ZBTB17: variants seen among roughly 807,000 people sequenced by gnomAD.
ZBTB17 encodes zinc finger and BTB domain containing 17, also known as zinc finger and BTB domain-containing protein 17.
A neutral mutation model predicts 85.1 loss-of-function variants in ZBTB17; 24 were observed. The ratio of observed to expected loss-of-function variants is 0.28; its 90% confidence interval spans 0.20 to 0.40. The LOEUF (loss-of-function observed/expected upper bound fraction) is 0.40, where lower values mean the gene tolerates loss of function less well. ZBTB17 is among the 10% of genes least tolerant of loss of function. The pLI, the probability that ZBTB17 is intolerant of heterozygous loss-of-function variation, is 1.00. For synonymous variants in ZBTB17, 464 were observed against 460.2 expected (o/e 1.01, Z -0.11); for missense variants, 743 against 1,105.1 (o/e 0.67, Z 4.65).
chr1:15,946,588 A>C (rs1391214900), intron 4 of ZBTB17, among the ~76,000 whole-genome samples: 1 of 152,248 alleles, frequency 6.6e-6, no homozygotes, highest in Admixed American at 6.5e-5. Flanking sequence ...GGAGGAACGC[A>C]GCCTCTGGAA....
chr1:15,944,427 T>A lies in ZBTB17; in HGVS notation c.1244A>T (p.Glu415Val), dbSNP rs1306474192. The A allele has an allele frequency of 6.4e-7, 1 of 1,569,314 alleles. No homozygotes were observed. The highest frequency in any genetic ancestry group is 1.2e-5 in the South Asian group (1 of 85,778). Reference sequence around the variant, plus strand: ...GCAGTAGTCGCACTGGTAGGGCTTCTCGCCGCTGTGCACCAGCTGGTGGCG... The same window carrying A: ...GCAGTAGTCGCACTGGTAGGGCTTCACGCCGCTGTGCACCAGCTGGTGGCG... The part of the protein sequence containing the change: ...LKRHQLVHSG[E>V]KPYQCDYCGR... Residue 415 changes from glutamate to valine, a missense_variant, in exon 9 of 16, where the codon GAG (glutamate) becomes GTG (valine). Physicochemically the swap from Glu to Val is moderately radical, Grantham distance 121. Transcript: ENST00000375743.
At chr1:15,963,584 T>G (rs560420855) in intron 2 of ZBTB17, among the ~76,000 whole-genome samples, 1 of 152,282 alleles carries the variant, frequency 6.6e-6, no homozygotes, top group South Asian at 2.1e-4. Flanking sequence ...ATATCAAATC[T>G]TGGTGCTGAA....
At chr1:15,950,760 A>G (rs1297387137) in intron 2 of ZBTB17, among the ~76,000 whole-genome samples, 3 of 152,048 alleles carry the variant, frequency 2.0e-5, no homozygotes, top group Non-Finnish European at 4.4e-5. Flanking sequence ...TAGCAGGAAA[A>G]CCATCTGACT....
chr1:15,962,383 T>C (rs906294967), intron 2 of ZBTB17, among the ~76,000 whole-genome samples: 1 of 152,122 alleles, frequency 6.6e-6, no homozygotes, highest in Non-Finnish European at 1.5e-5. Flanking sequence ...GTTGCTTCCC[T>C]TGCAAATAGA....
Position 15,944,956 on chromosome 1 carries a change from G to A in ZBTB17, c.908C>T (p.Ser303Phe). 1 of 1,579,820 alleles carries A rather than the reference G, an allele frequency of 6.3e-7. No individual in the cohort carries two copies. The highest frequency in any genetic ancestry group is 8.6e-7 in the Non-Finnish European group (1 of 1,165,854). ...GDRTESKAYG[S>F]VIHKCEDCGK... ...CCTCACCTCGCACTTGTGGATGACG[G>A]AGCCGTAGGCCTTGGACTCCGTGCG... The change falls in exon 7 of 16, where the codon TCC (serine) becomes TTC (phenylalanine). Residue 303 changes from serine to phenylalanine, a missense_variant. Coordinates refer to ENST00000375743, the MANE Select transcript of ZBTB17 (RefSeq NM_003443.3).
In ZBTB17 at chr1:15,943,413, C is replaced by A. The variant is rs759879516; in HGVS notation, c.1683G>T (p.Glu561Asp). 1.0e-5 allele frequency: 16 copies of A among 1,601,910 alleles called. No homozygotes were observed. In the African/African-American group the frequency reaches 1.7e-4, roughly 17 times the overall value. The change falls in exon 12 of 16, where the codon GAG becomes GAT. Residue 561 changes from glutamate to aspartate, a missense_variant. Around this residue, in one of 4 missense-constraint regions of ZBTB17, gnomAD observed 321 missense variants for 615.7 expected, o/e 0.52. Transcript: ENST00000375743. ...GGGGGCAGGACCTCTTGCCGCAGCG[C>A]TCGCAGACGTAGGGCTTCTCCCCGG... ...QHTGEKPYVC[E>D]RCGKRFVQSS...
chr1:15,947,242 G>T, intron 3 of ZBTB17, 119 bp from the exon 4 acceptor site: 1 of 1,043,562 alleles, frequency 9.6e-7, no homozygotes, highest in Non-Finnish European at 1.4e-6. Flanking sequence ...TGGCAAGCCT[G>T]CATCGCCCCA....
intron 9 of ZBTB17, 111 bp downstream of exon 9, chr1:15,944,189 T>G (rs2071485759): frequency 1.2e-5 from 17 of 1,415,446 alleles, no homozygotes; most frequent in Non-Finnish European, 1.6e-5. Flanking sequence ...AACAAGCTGA[T>G]GAGCTCCTGG....
chr1:15,956,523 C>T (rs1399452701), intron 2 of ZBTB17, among the ~76,000 whole-genome samples: 1 of 152,206 alleles, frequency 6.6e-6, no homozygotes, highest in Non-Finnish European at 1.5e-5. Flanking sequence ...AAGTGAATGT[C>T]CATTCCATTA....
chr1:15,945,814 C>A lies in ZBTB17; in HGVS notation c.562G>T (p.Ala188Ser). Residue 188 changes from alanine (A) to serine (S), a missense_variant, in exon 6 of 16, where the codon GCG (alanine) becomes TCG (serine). Ala to Ser is a moderately conservative substitution (Grantham distance 99). Transcript: ENST00000375743. ...SGAEQTEKAD[A>S]PREPPPVELK... ...TCCACAGGCGGCGGCTCCCGGGGCG[C>A]ATCGGCTTTCTCTGTCTGCTCTGCA... is the stretch of plus-strand genomic sequence containing the variant. 6.2e-7 allele frequency: 1 copy of A among 1,601,416 alleles called. No individual in the cohort carries two copies.
At chr1:15,971,464 TAC>T (rs201195651) in intron 2 of ZBTB17, among the ~76,000 whole-genome samples, 3,995 of 124,744 alleles carry the variant, frequency 0.032, 192 homozygotes, top group Middle Eastern at 0.063. Flanking sequence ...ACACTATATA[TAC>T]ACACACACTA....
Position 15,943,657 on chromosome 1 carries a change from G to A in ZBTB17, c.1518C>T (p.His506=). 1 of 1,613,318 alleles carries A rather than the reference G, an allele frequency of 6.2e-7. No homozygotes were observed. The highest frequency in any genetic ancestry group is 8.5e-7 in the Non-Finnish European group (1 of 1,179,964). The part of the protein sequence containing the change: ...HSGEKPYVCI[H]CQRQFADPGA... ...CGGGGTCTGCAAACTGTCGCTGGCA[G>A]TGGATGCACACGTAGGGCTTCTCCC... The change falls in exon 11 of 16, where the codon CAC becomes CAT. Residue 506 remains histidine, a synonymous_variant. Transcript: ENST00000375743.
chr1:15,966,448 C>A lies in ZBTB17; in HGVS notation c.-3+6591G>T, dbSNP rs527691315. ...TTTCTGGCCCGCTCTCCACTCGCAG[C>A]GGGAATTCCCACCTCTGAGCCTCTG... On this transcript the variant is annotated intron_variant, in intron 2 of 15. Coordinates refer to ENST00000375743, the MANE Select transcript of ZBTB17 (RefSeq NM_003443.3). The surrounding 1 kb of genome is among the most constrained non-coding windows in gnomAD (Gnocchi z 4.1). Among the ~76,000 whole-genome samples, 2 of 152,290 alleles carry A rather than the reference C, an allele frequency of 1.3e-5. No individual in the cohort carries two copies. Among genetic ancestry groups the A allele is most frequent in the African/African-American group, 2.4e-5 (1 of 41,560 alleles).
chr1:15,953,567 A>G lies in ZBTB17; in HGVS notation c.-2-5070T>C, dbSNP rs893522863. On this transcript the variant is annotated intron_variant, in intron 2 of 15. Coordinates refer to ENST00000375743, the MANE Select transcript of ZBTB17 (RefSeq NM_003443.3). This position sits in a 1 kb window ranked among gnomAD's most constrained non-coding sequence, Gnocchi z 5.1. ...CATTGCATCTGTCTTGCAGTCCCAA[A>G]GCACCACAGACTGCTGAGTAAGCCA... 1.3e-5 allele frequency among the ~76,000 whole-genome samples: 2 copies of G among 152,214 alleles called. No homozygotes were observed. Among genetic ancestry groups the G allele is most frequent in the Non-Finnish European group, 2.9e-5 (2 of 68,034 alleles).
At chr1:15,957,193 A>T (rs2072077037) in intron 2 of ZBTB17, among the ~76,000 whole-genome samples, 1 of 151,854 alleles carries the variant, frequency 6.6e-6, no homozygotes, top group Non-Finnish European at 1.5e-5. Context: ...AAAAAAAAAA[A>T]AAGTAAAAAT....
intron 2 of ZBTB17, among the ~76,000 whole-genome samples, chr1:15,962,156 G>A (rs1437499540): frequency 6.6e-6 from 1 of 152,162 alleles, no homozygotes; most frequent in Non-Finnish European, 1.5e-5. Context: ...GCAGTGAGCT[G>A]AGATTGTGGC....
In ZBTB17 at chr1:15,973,370, C is replaced by T. The variant is rs371448029; in HGVS notation, c.-89-245G>A. Among the ~76,000 whole-genome samples, 12 of 152,280 alleles carry T rather than the reference C, an allele frequency of 7.9e-5. No homozygotes were observed. The East Asian group carries it at 1.9e-3, about 24-fold the overall frequency. The stretch of plus-strand genomic sequence containing the variant: ...TCAAGAACTCCAGCTCAATAAGAGA[C>T]AGGACACAATGTTAAGAAGGAAAAA... On this transcript the variant is annotated intron_variant, in intron 1 of 15. Transcript: ENST00000375743. This position sits in a 1 kb window ranked among gnomAD's most constrained non-coding sequence, Gnocchi z 4.1.
At position 15,953,947 on chromosome 1, in the gene ZBTB17, A is replaced by G. The variant is rs1256763547; in HGVS notation, c.-2-5450T>C. ...ATTTTTTTAGGCCAAAGTCTTTATC[A>G]GATGGTTTCTATATACCCCTTTGCA... is the stretch of plus-strand genomic sequence containing the variant. On this transcript the variant is annotated intron_variant, in intron 2 of 15. Coordinates refer to ENST00000375743, the MANE Select transcript of ZBTB17 (RefSeq NM_003443.3). This position sits in a 1 kb window ranked among gnomAD's most constrained non-coding sequence, Gnocchi z 5.1. Among the ~76,000 whole-genome samples, 1 of 152,230 alleles carries G rather than the reference A, an allele frequency of 6.6e-6. No homozygotes were observed. Among genetic ancestry groups the G allele is most frequent in the African/African-American group, 2.4e-5 (1 of 41,454 alleles).
intron 2 of ZBTB17, among the ~76,000 whole-genome samples, chr1:15,960,796 G>GGA (rs1206718277): frequency 2.6e-5 from 4 of 152,244 alleles, no homozygotes; most frequent in Admixed American, 2.0e-4. Flanking sequence ...AATGGATGTA[G>GGA]CTGGACTTCC....
Sources: allele counts gnomAD v4.1 joint callset (sites outside exome capture counted in the v4.1 genomes callset), GRCh38; gene constraint gnomAD v4.1.1; regional missense constraint gnomAD v4.1.1; non-coding constraint Gnocchi (gnomAD v3.1); transcripts MANE v1.5; gene names NCBI Gene and HGNC (gene_info 2026-07-23, HGNC 2026-07-21).